The following CSF2RA variants were observed in gnomAD, a reference collection of about 807,000 sequenced individuals.
CSF2RA encodes colony stimulating factor 2 receptor subunit alpha, also known as granulocyte-macrophage colony-stimulating factor receptor subunit alpha.
CSF2RA carries 42 observed loss-of-function variants against 51.6 expected under a neutral mutation model. The observed-to-expected ratio is 0.81, with a 90% CI of 0.64 to 1.05. The LOEUF (loss-of-function observed/expected upper bound fraction) is 1.05. Ranked by LOEUF, CSF2RA falls within the 50% of genes least tolerant of loss-of-function variation. CSF2RA has a pLI of 0.00. For missense variants in CSF2RA, 530 were observed against 501.1 expected (o/e 1.06, Z -0.55); for synonymous variants, 222 against 193.0 (o/e 1.15, Z -1.24).
the CSF2RA span, among the ~76,000 whole-genome samples, chrX:1,323,115 C>A: frequency 8.5e-6 from 1 of 117,286 alleles, no homozygotes; most frequent in African/African-American, 3.1e-5. Flanking sequence ...AGCGACAGAG[C>A]GAGATTCCGT....
intron 9 of CSF2RA, among the ~76,000 whole-genome samples, chrX:1,298,889 G>A (rs184277715): frequency 2.6e-3 from 393 of 152,072 alleles, no homozygotes; most frequent in African/African-American, 8.8e-3. Context: ...CGTCTACCTG[G>A]ATCCAGTGTA....
intron 5 of CSF2RA, 35 bp downstream of exon 5, chrX:1,288,677 C>T (rs2091043798): frequency 1.9e-6 from 3 of 1,613,960 alleles, no homozygotes; most frequent in Non-Finnish European, 2.5e-6. Context: ...GTTTACAGCA[C>T]TGGCCCCACC....
chrX:1,309,867 G>A lies in CSF2RA; in HGVS notation c.*388G>A, dbSNP rs189598307. The A allele has an allele frequency of 2.1e-4, 125 of 592,412 alleles. No homozygotes were observed. The highest frequency in any genetic ancestry group is 3.5e-4 in the Non-Finnish European group (117 of 334,242). The allele number at this position is 592,412 out of a possible 1,614,324, so 36.7% of individuals were successfully genotyped here. A position where few individuals can be genotyped will look rare whatever the true frequency, so the allele number is the denominator to read the frequency against. On this transcript the variant is annotated 3_prime_UTR_variant, in exon 13 of 13. Transcript: ENST00000381529. The stretch of plus-strand genomic sequence containing the variant: ...CGCACCATTGCACACCAACCTGCGT[G>A]ACAGAGCAAGATTGCATCTCAAAAC...
Position 1,268,841 on chromosome X carries a change from GA to G in CSF2RA, c.-125del. The G allele has an allele frequency of 2.2e-6, 1 of 454,126 alleles. No individual in the cohort carries two copies. Among genetic ancestry groups the G allele is most frequent in the South Asian group, 1.6e-5 (1 of 64,474 alleles). 28.1% of individuals were successfully genotyped at this position (454,126 alleles called of 1,614,324 possible). ...TCAGAAGCGGGAGTCTCCGAGAGAA[GA>G]AAAGCAGGTGGAAGGAGAGGAAGCG... On this transcript the variant is annotated 5_prime_UTR_variant, in exon 1 of 13. Coordinates refer to ENST00000381529, the MANE Select transcript of CSF2RA (RefSeq NM_172245.4).
At chrX:1,320,590 A>C in the CSF2RA span, among the ~76,000 whole-genome samples, 26 of 144,498 alleles carry the variant, frequency 1.8e-4, no homozygotes, top group South Asian at 1.8e-3. Context: ...CTCTGCCTCC[A>C]GGGTTCAAGC....
Position 1,272,591 on chromosome X carries a change from G to A in CSF2RA, c.-90-2164G>A, listed in dbSNP as rs189486069. 1.4e-4 allele frequency among the ~76,000 whole-genome samples: 21 copies of A among 151,252 alleles called. No individual in the cohort carries two copies. The East Asian group carries it at 3.7e-3, about 27-fold the overall frequency. On this transcript the variant is annotated intron_variant, in intron 1 of 12. Coordinates refer to ENST00000381529, the MANE Select transcript of CSF2RA (RefSeq NM_172245.4). ...CAACCTCCACCTCCTGGGTTCACCC[G>A]ATTTTCCTGCCTCAGCCTCCCGAGT...
chrX:1,298,834 A>G (rs2092178863), intron 9 of CSF2RA, among the ~76,000 whole-genome samples: 1 of 151,206 alleles, frequency 6.6e-6, no homozygotes, highest in South Asian at 2.1e-4. Context: ...ACCCCACCTC[A>G]CCTCCCCCTA....
downstream of CSF2RA, among the ~76,000 whole-genome samples, chrX:1,315,148 G>A (rs1366417054): frequency 3.3e-5 from 5 of 152,150 alleles, no homozygotes; most frequent in Middle Eastern, 3.2e-3. Flanking sequence ...GGTCACCTGC[G>A]TGAGATCAGG....
At chrX:1,301,780 T>TGTA (rs1213939281) in intron 10 of CSF2RA, among the ~76,000 whole-genome samples, 2 of 150,712 alleles carry the variant, frequency 1.3e-5, no homozygotes, top group Non-Finnish European at 3.0e-5. Context: ...GTATTTTTTT[T>TGTA]TTTTTAGTAG....
chrX:1,301,215 C>A (rs2092346232), intron 10 of CSF2RA, among the ~76,000 whole-genome samples: 1 of 148,542 alleles, frequency 6.7e-6, no homozygotes, highest in Non-Finnish European at 1.5e-5. Flanking sequence ...CCTGTAATCC[C>A]AGCTACTCAG....
At chrX:1,298,512 A>C (rs1460993455) in intron 9 of CSF2RA, among the ~76,000 whole-genome samples, 1 of 110,720 alleles carries the variant, frequency 9.0e-6, no homozygotes, top group East Asian at 2.6e-4. Context: ...TCCCCTATTC[A>C]GGAGCCGTAG....
chrX:1,296,326 T>G (rs2091952119), intron 9 of CSF2RA, among the ~76,000 whole-genome samples: 1 of 133,490 alleles, frequency 7.5e-6, no homozygotes, highest in Admixed American at 7.3e-5. Context: ...ACCCCTACAC[T>G]CTCCTACCCA....
chrX:1,301,242 G>A (rs1331628288), intron 10 of CSF2RA, among the ~76,000 whole-genome samples: 4 of 140,636 alleles, frequency 2.8e-5, no homozygotes, highest in Non-Finnish European at 6.0e-5. Context: ...GAGGGCAGGA[G>A]AATGACTTGA....
chrX:1,277,257 G>T (rs1401602000), intron 2 of CSF2RA, among the ~76,000 whole-genome samples: 1 of 152,004 alleles, frequency 6.6e-6, no homozygotes, highest in Admixed American at 6.6e-5. Flanking sequence ...CAGGAAAGGG[G>T]TTCGGATCCA....
At chrX:1,270,952 G>A (rs1484391758) in intron 1 of CSF2RA, among the ~76,000 whole-genome samples, 1 of 150,434 alleles carries the variant, frequency 6.6e-6, no homozygotes, top group Admixed American at 6.7e-5. Context: ...TGAGGTGACA[G>A]AGGATTGCTT....
rs759034337 is a variant in CSF2RA at position 1,292,553 on chromosome X, G to T, written c.647-1775G>T. Among the ~76,000 whole-genome samples the T allele has an allele frequency of 3.2e-4, 48 of 152,214 alleles. 1 individual carries two copies. In the East Asian group the frequency reaches 6.2e-3, roughly 20 times the overall value. On this transcript the variant is annotated intron_variant, in intron 7 of 12. Transcript: ENST00000381529. The stretch of plus-strand genomic sequence containing the variant: ...GTCAGCAGGAAGACATATGAGCAAA[G>T]GAATCTGTGTCACAAATAAGTTCAA...
the CSF2RA span, among the ~76,000 whole-genome samples, chrX:1,316,531 G>C: frequency 1.3e-5 from 2 of 152,172 alleles, no homozygotes; most frequent in African/African-American, 4.8e-5. Context: ...ACTTCCCTTT[G>C]GGTAAGGCTA....
At chrX:1,286,323 C>G (rs1409912022) in intron 4 of CSF2RA, among the ~76,000 whole-genome samples, 4 of 151,480 alleles carry the variant, frequency 2.6e-5, no homozygotes, top group African/African-American at 4.9e-5. Context: ...CATCCCAGCA[C>G]TCTGGGAGGC....
rs1482161052 is a variant in CSF2RA, at chrX:1,309,775, C to G, written c.*296C>G. 1.5e-6 allele frequency: 1 copy of G among 647,974 alleles called. No homozygotes were observed. Among genetic ancestry groups the G allele is most frequent in the South Asian group, 1.8e-5 (1 of 55,606 alleles). The allele number at this position is 647,974 out of a possible 1,614,324, so 40.1% of individuals were successfully genotyped here. On this transcript the variant is annotated 3_prime_UTR_variant, in exon 13 of 13. Coordinates refer to ENST00000381529, the MANE Select transcript of CSF2RA (RefSeq NM_172245.4). ...CGGCGGCGGACGCCCATCATCCCAG[C>G]TACTTGGGAGGCTGAGGCAGGAGAA...
Sources: allele counts gnomAD v4.1 joint callset (sites outside exome capture counted in the v4.1 genomes callset), GRCh38; gene constraint gnomAD v4.1.1; transcripts MANE v1.5; gene names NCBI Gene and HGNC (gene_info 2026-07-23, HGNC 2026-07-21).